Variants in ADAMTS17 observed in about 807,000 individuals in gnomAD.
ADAMTS17 encodes A disintegrin and metalloproteinase with thrombospondin motifs 17.
A neutral mutation model predicts 141.5 loss-of-function variants in ADAMTS17; 113 were observed. The ratio of observed to expected loss-of-function variants is 0.80; its 90% confidence interval spans 0.69 to 0.93. The LOEUF is 0.93. Among genes scored for constraint, ADAMTS17 ranks in the 40% least tolerant of loss-of-function variants. The pLI is 0.00. For missense variants in ADAMTS17, 1,659 were observed against 1,517.9 expected (o/e 1.09, Z -1.54); for synonymous variants, 768 against 630.6 (o/e 1.22, Z -3.27).
chr15:100,122,523 A>G (rs556801580), intron 12 of ADAMTS17, among the ~76,000 whole-genome samples: 160 of 152,266 alleles, frequency 1.1e-3, no homozygotes, highest in African/African-American at 3.3e-3. Context: ...ACCTCTGAAC[A>G]ATGTGGGGGT....
At chr15:99,977,626 G>C (rs553455727) in intron 20 of ADAMTS17, among the ~76,000 whole-genome samples, 21 of 151,290 alleles carry the variant, frequency 1.4e-4, no homozygotes, top group African/African-American at 4.9e-4. Context: ...ATATTGGCCA[G>C]ACTGGTCTTG....
intron 7 of ADAMTS17, among the ~76,000 whole-genome samples, chr15:100,202,475 C>G (rs1347605190): frequency 6.6e-6 from 1 of 152,140 alleles, no homozygotes; most frequent in African/African-American, 2.4e-5. Context: ...GATAACAGAG[C>G]ACAAGACCTG....
intron 10 of ADAMTS17, among the ~76,000 whole-genome samples, chr15:100,142,965 C>G (rs2038731600): frequency 2.0e-5 from 3 of 152,340 alleles, no homozygotes; most frequent in African/African-American, 7.2e-5. Flanking sequence ...CTCGTGGCAA[C>G]TAACAAGAAG....
chr15:100,192,144 G>A (rs970046324), intron 8 of ADAMTS17, among the ~76,000 whole-genome samples: 1 of 152,224 alleles, frequency 6.6e-6, no homozygotes, highest in Non-Finnish European at 1.5e-5. Context: ...CTCACACACG[G>A]ACTTTGATGC....
chr15:99,999,218 G>A (rs890501634), intron 18 of ADAMTS17, among the ~76,000 whole-genome samples: 1 of 152,174 alleles, frequency 6.6e-6, no homozygotes, highest in Non-Finnish European at 1.5e-5. Context: ...ACATTCTGAG[G>A]GGGGCAGACC....
rs191431085 is a variant in ADAMTS17, at chr15:100,267,992, T to C, written c.790-5557A>G. Among the ~76,000 whole-genome samples, 385 of 152,334 alleles carry C rather than the reference T, an allele frequency of 2.5e-3. 3 individuals carry two copies. Among genetic ancestry groups the C allele is most frequent in the African/African-American group, 8.0e-3 (332 of 41,570 alleles). On this transcript the variant is annotated intron_variant, in intron 4 of 21. Coordinates refer to ENST00000268070, the MANE Select transcript of ADAMTS17 (RefSeq NM_139057.4). ...TTTTGTAACTATTTTATTGTTGCCA[T>C]CTTTATATCCACATGTACCCAGTGT...
chr15:100,208,919 G>A (rs1214930646), intron 7 of ADAMTS17, among the ~76,000 whole-genome samples: 1 of 152,020 alleles, frequency 6.6e-6, no homozygotes, highest in Non-Finnish European at 1.5e-5. Flanking sequence ...GGCTTTACCT[G>A]TATCACTCGT....
chr15:100,082,385 C>CTT (rs11325623), intron 15 of ADAMTS17, among the ~76,000 whole-genome samples: 2 of 143,982 alleles, frequency 1.4e-5, no homozygotes, highest in Non-Finnish European at 3.1e-5. Context: ...TTTTGATAGT[C>CTT]TTTTTTTTTT....
chr15:100,107,870 A>T (rs1015805467), intron 14 of ADAMTS17, among the ~76,000 whole-genome samples: 2 of 152,156 alleles, frequency 1.3e-5, no homozygotes, highest in Non-Finnish European at 2.9e-5. Context: ...CAGGTGCCCA[A>T]GCTGACTAAG....
intron 8 of ADAMTS17, among the ~76,000 whole-genome samples, chr15:100,167,047 C>T (rs2039977176): frequency 1.3e-5 from 2 of 152,302 alleles, no homozygotes; most frequent in East Asian, 3.9e-4. Flanking sequence ...CCACTGGCCA[C>T]GTGTGGCTAC....
At position 100,168,819 on chromosome 15, in the gene ADAMTS17, T is replaced by A. The variant is rs76152247; in HGVS notation, c.1182-13499A>T. The stretch of plus-strand genomic sequence containing the variant: ...GGGGATGTGATTCTTTCCCTTCCCA[T>A]CCCCAGCCCCGCAACAATGTCCTGC... On this transcript the variant is annotated intron_variant, in intron 8 of 21. Transcript: ENST00000268070. The A allele has an allele frequency of 0.017, 2,543 of 152,276 alleles. 124 individuals are homozygous for A. In the East Asian group the frequency reaches 0.17, roughly 10 times the overall value. 9.4% of individuals were successfully genotyped at this position (152,276 alleles called of 1,614,324 possible).
At position 100,016,085 on chromosome 15, in the gene ADAMTS17, ATTGGG is replaced by A. The variant is rs1356558953; in HGVS notation, c.2592-18501_2592-18497del. 5.3e-5 allele frequency among the ~76,000 whole-genome samples: 8 copies of A among 152,084 alleles called. 1 individual carries two copies. In the East Asian group the frequency reaches 1.2e-3, roughly 22 times the overall value. Reference sequence around the variant, plus strand: ...ACTTTCTCATTCTTGTCTTTGTTGGATTGGGTTAATTCAAAGACCTGTCTTCGAGC... The same window carrying A: ...ACTTTCTCATTCTTGTCTTTGTTGGATTAATTCAAAGACCTGTCTTCGAGC... On this transcript the variant is annotated intron_variant, in intron 18 of 21. Transcript: ENST00000268070.
intron 7 of ADAMTS17, among the ~76,000 whole-genome samples, chr15:100,231,039 T>C (rs370412539): frequency 1.2e-4 from 18 of 152,220 alleles, no homozygotes; most frequent in African/African-American, 3.6e-4. Context: ...AATTGTGAAG[T>C]TGGCAACCCC....
intron 7 of ADAMTS17, among the ~76,000 whole-genome samples, chr15:100,205,896 G>C (rs1254129936): frequency 1.3e-5 from 2 of 152,180 alleles, no homozygotes; most frequent in Non-Finnish European, 2.9e-5. Context: ...AAAGACAGCT[G>C]TGCCAGGGAC....
chr15:100,338,630 C>G (rs933103790), intron 2 of ADAMTS17, among the ~76,000 whole-genome samples: 1 of 4,650 alleles, frequency 2.2e-4, no homozygotes, highest in East Asian at 0.05. Flanking sequence ...GAAGTTTGCC[C>G]GACTCTTGCT....
Position 100,197,239 on chromosome 15 carries a change from T to G in ADAMTS17, c.1181+2079A>C, listed in dbSNP as rs573427049. On this transcript the variant is annotated intron_variant, in intron 8 of 21. Coordinates refer to ENST00000268070, the MANE Select transcript of ADAMTS17 (RefSeq NM_139057.4). ...GTATGTGCAAATGGCACTTAGCATG[T>G]GCCATGCTGCTGGATGCTGGCGTGG... 1.4e-4 allele frequency among the ~76,000 whole-genome samples: 21 copies of G among 152,382 alleles called. No homozygotes were observed. In the South Asian group the frequency reaches 4.1e-3, roughly 30 times the overall value.
intron 2 of ADAMTS17, among the ~76,000 whole-genome samples, chr15:100,338,004 A>G (rs1322417726): frequency 1.3e-5 from 2 of 152,254 alleles, no homozygotes; most frequent in African/African-American, 4.8e-5. Flanking sequence ...CATGCTTTGA[A>G]ATGATATGCT....
chr15:100,059,850 C>T (rs555783671), intron 15 of ADAMTS17, among the ~76,000 whole-genome samples: 1 of 152,160 alleles, frequency 6.6e-6, no homozygotes, highest in African/African-American at 2.4e-5. Context: ...TTCCACAGCC[C>T]TATGCATAAT....
chr15:100,306,351 T>C, intron 3 of ADAMTS17: 1 of 394,298 alleles, frequency 2.5e-6, no homozygotes, highest in Non-Finnish European at 5.1e-6. Flanking sequence ...CAGCTCCTGC[T>C]GGGCTTGCGG....
Sources: gnomAD v4.1 joint callset for allele counts (sites outside exome capture counted in the v4.1 genomes callset) on GRCh38, gnomAD v4.1.1 for gene constraint, MANE v1.5 for transcripts, NCBI Gene and HGNC (gene_info 2026-07-23, HGNC 2026-07-21) for gene names.